Variants in PCDH9 observed in about 807,000 individuals in gnomAD.
The protein encoded by PCDH9 is protocadherin 9, also known as protocadherin-9.
In PCDH9, 24 loss-of-function variants were observed where a neutral mutation model predicts 70.6. The observed-to-expected ratio is 0.34, with a 90% CI of 0.25 to 0.48. PCDH9 has a LOEUF of 0.48. PCDH9 is among the 20% of genes least tolerant of loss of function. PCDH9 has a pLI of 0.99. For missense variants in PCDH9, 1,281 were observed against 1,503.6 expected, an observed-to-expected ratio of 0.85 and a Z score of 2.45; for synonymous variants, 562 against 558.5, an observed-to-expected ratio of 1.01 and a Z score of -0.09.
In PCDH9 at chr13:66,681,950, C is replaced by CAT. The variant is rs56280836; in HGVS notation, c.3139-50541_3139-50540dup. Among the ~76,000 whole-genome samples the CAT allele has an allele frequency of 2.6e-3, 340 of 130,300 alleles. 4 individuals are homozygous for CAT. The highest frequency in any genetic ancestry group is 8.9e-3 in the South Asian group (36 of 4,062). 85.5% of individuals were successfully genotyped at this position (130,300 alleles called of 152,430 possible). On this transcript the variant is annotated intron_variant, in intron 3 of 4. Transcript: ENST00000377865. ...CTGGGTACATATGAGTATATACAAA[C>CAT]ATATATATATATATATATTTGAGAG...
chr13:66,737,777 G>A (rs1293498385), intron 3 of PCDH9, among the ~76,000 whole-genome samples: 8 of 152,294 alleles, frequency 5.3e-5, no homozygotes, highest in South Asian at 4.1e-4. Context: ...CGAATATTGC[G>A]CTTTTCAGAC....
chr13:66,544,042 T>C (rs1056311148), intron 4 of PCDH9, among the ~76,000 whole-genome samples: 1 of 152,168 alleles, frequency 6.6e-6, no homozygotes, highest in Non-Finnish European at 1.5e-5. Flanking sequence ...TGTTTACAGA[T>C]ACAGAATTAG....
intron 2 of PCDH9, among the ~76,000 whole-genome samples, chr13:67,045,189 A>G (rs1251081240): frequency 6.6e-6 from 1 of 152,072 alleles, no homozygotes; most frequent in African/African-American, 2.4e-5. Flanking sequence ...TCCTTATGTC[A>G]TGGCCTATCA....
intron 2 of PCDH9, among the ~76,000 whole-genome samples, chr13:66,916,802 T>C (rs1230486684): frequency 1.3e-5 from 2 of 151,424 alleles, no homozygotes; most frequent in Non-Finnish European, 3.0e-5. Flanking sequence ...CTCTAAAGCA[T>C]GAAGAAGAAT....
intron 4 of PCDH9, among the ~76,000 whole-genome samples, chr13:66,320,809 G>A (rs140020834): frequency 1.3e-4 from 19 of 151,948 alleles, no homozygotes; most frequent in African/African-American, 2.9e-4. Context: ...TTATAGTTCC[G>A]AAGCCTCATT....
intron 3 of PCDH9, among the ~76,000 whole-genome samples, chr13:66,760,315 A>G (rs1271334189): frequency 1.3e-5 from 2 of 152,062 alleles, no homozygotes; most frequent in Non-Finnish European, 2.9e-5. Context: ...TTTGATTATA[A>G]TATGTCTTGA....
chr13:67,024,444 A>G (rs2084739719), intron 2 of PCDH9, among the ~76,000 whole-genome samples: 1 of 152,132 alleles, frequency 6.6e-6, no homozygotes, highest in Admixed American at 6.6e-5. Flanking sequence ...GCCAGTTATT[A>G]TATTTAGCTA....
chr13:66,674,179 C>T (rs2078213416), intron 3 of PCDH9, among the ~76,000 whole-genome samples: 1 of 151,906 alleles, frequency 6.6e-6, no homozygotes, highest in African/African-American at 2.4e-5. Context: ...GATAATATAA[C>T]ATTTTAAAAA....
intron 3 of PCDH9, among the ~76,000 whole-genome samples, chr13:66,750,872 C>G (rs1465351835): frequency 6.6e-6 from 1 of 152,008 alleles, no homozygotes; most frequent in Non-Finnish European, 1.5e-5. Context: ...AATATTTAAA[C>G]CTTTGAGGCT....
intron 4 of PCDH9, among the ~76,000 whole-genome samples, chr13:66,607,068 C>G (rs760839532): frequency 6.6e-6 from 1 of 151,886 alleles, no homozygotes; most frequent in African/African-American, 2.4e-5. Context: ...TATTAAAATA[C>G]CAAAAATTCT....
intron 4 of PCDH9, among the ~76,000 whole-genome samples, chr13:66,348,871 T>C (rs1156440205): frequency 3.9e-5 from 6 of 152,140 alleles, no homozygotes; most frequent in Non-Finnish European, 8.8e-5. Flanking sequence ...CATGTTGTTC[T>C]TCCTCTGTAT....
chr13:66,374,252 T>C (rs941240456), intron 4 of PCDH9, among the ~76,000 whole-genome samples: 3 of 152,070 alleles, frequency 2.0e-5, no homozygotes, highest in African/African-American at 7.2e-5. Context: ...CCTTGCTGCA[T>C]GCTATTATTA....
intron 3 of PCDH9, among the ~76,000 whole-genome samples, chr13:66,806,095 T>C (rs940045117): frequency 6.6e-6 from 1 of 152,078 alleles, no homozygotes; most frequent in East Asian, 1.9e-4. Context: ...TATGTATATA[T>C]GTGTTTGTGT....
chr13:67,192,528 T>C (rs2088945981), intron 2 of PCDH9, among the ~76,000 whole-genome samples: 1 of 152,146 alleles, frequency 6.6e-6, no homozygotes, highest in African/African-American at 2.4e-5. Flanking sequence ...CCTTTTAAGA[T>C]AGTTGGATTT....
intron 3 of PCDH9, among the ~76,000 whole-genome samples, chr13:66,806,445 A>T (rs1441996): frequency 0.34 from 52,101 of 151,904 alleles, 9,933 homozygotes; most frequent in Non-Finnish European, 0.43. Flanking sequence ...ATTGGTTACT[A>T]TGTTGGAACA....
At chr13:66,880,335 C>T (rs750980075) in intron 3 of PCDH9, among the ~76,000 whole-genome samples, 20 of 152,014 alleles carry the variant, frequency 1.3e-4, no homozygotes, top group Non-Finnish European at 2.9e-5. Flanking sequence ...GAAGTTCAAG[C>T]GTAAGACATC....
intron 3 of PCDH9, among the ~76,000 whole-genome samples, chr13:66,837,437 C>A (rs752483154): frequency 2.0e-5 from 3 of 152,040 alleles, no homozygotes; most frequent in African/African-American, 7.2e-5. Context: ...TACGGTGGAG[C>A]GGGAGCAGCC....
chr13:66,959,933 T>G (rs1180943645), intron 2 of PCDH9, among the ~76,000 whole-genome samples: 1 of 152,120 alleles, frequency 6.6e-6, no homozygotes, highest in Non-Finnish European at 1.5e-5. Flanking sequence ...CTGAACCCAT[T>G]TAACTTCCTA....
At chr13:66,566,526 C>T (rs2076654867) in intron 4 of PCDH9, among the ~76,000 whole-genome samples, 1 of 152,064 alleles carries the variant, frequency 6.6e-6, no homozygotes, top group Non-Finnish European at 1.5e-5. Context: ...CACAAAACAG[C>T]TAGGCAGTGT....
Sources: gnomAD v4.1 joint callset for allele counts (sites outside exome capture counted in the v4.1 genomes callset) on GRCh38, gnomAD v4.1.1 for gene constraint, MANE v1.5 for transcripts, NCBI Gene and HGNC (gene_info 2026-07-23, HGNC 2026-07-21) for gene names.